CLSTN2: variants seen among roughly 807,000 people sequenced by gnomAD.
The protein encoded by CLSTN2 is calsyntenin-2.
A neutral mutation model predicts 101.2 loss-of-function variants in CLSTN2; 48 were observed. The ratio of observed to expected loss-of-function variants is 0.47; its 90% CI spans 0.38 to 0.60. The LOEUF (loss-of-function observed/expected upper bound fraction) is 0.60. Among genes scored for constraint, CLSTN2 ranks in the 20% least tolerant of loss-of-function variants. The pLI is 0.00. For synonymous variants in CLSTN2, 481 were observed against 463.6 expected, an observed-to-expected ratio of 1.04 and a Z score of -0.48; for missense variants, 1,160 against 1,238.2, an observed-to-expected ratio of 0.94 and a Z score of 0.95.
chr3:140,384,727 A>T lies in CLSTN2; in HGVS notation c.233-18902A>T, dbSNP rs1173586603. On this transcript the variant is annotated intron_variant, in intron 2 of 16. Coordinates refer to ENST00000458420, the MANE Select transcript of CLSTN2 (RefSeq NM_022131.3). ...CCAAGAATTGACAGAACAGTAAAAGAGTCCATATACTCCTGTAGTATTGAT... is the reference window on the plus strand; with the variant it reads ...CCAAGAATTGACAGAACAGTAAAAGTGTCCATATACTCCTGTAGTATTGAT... Among the ~76,000 whole-genome samples, 5 of 152,350 alleles carry T rather than the reference A, an allele frequency of 3.3e-5. No individual in the cohort carries two copies. In the East Asian group the frequency reaches 9.6e-4, roughly 29 times the overall value.
rs115353639 is a variant in CLSTN2, at chr3:140,434,351, T to G, written c.787+13077T>G. On this transcript the variant is annotated intron_variant, in intron 5 of 16. Coordinates refer to ENST00000458420, the MANE Select transcript of CLSTN2 (RefSeq NM_022131.3). ...CCACCCTAACCATGCAGAGGGACAG[T>G]GTAGTCCTGGCCTAACTGAGCTTCC... 1.3e-3 allele frequency among the ~76,000 whole-genome samples: 196 copies of G among 152,242 alleles called. 1 individual carries two copies. Among genetic ancestry groups the G allele is most frequent in the African/African-American group, 4.6e-3 (192 of 41,552 alleles).
In CLSTN2 at chr3:140,421,113, T is replaced by A. The variant is rs1434893599; in HGVS notation, c.638-12T>A. On this transcript the variant is annotated splice_polypyrimidine_tract_variant and intron_variant, in intron 4 of 16. Transcript: ENST00000458420. ...TTGACCTGAAATGCTTTTGAACATC[T>A]CTGTTCCTCAGGCAACATCAGGAAC... 1 of 1,612,904 alleles carries A rather than the reference T, an allele frequency of 6.2e-7. No homozygotes were observed. Among genetic ancestry groups the A allele is most frequent in the East Asian group, 2.2e-5 (1 of 44,866 alleles).
intron 1 of CLSTN2, among the ~76,000 whole-genome samples, chr3:140,122,435 C>A (rs2009358123): frequency 6.6e-6 from 1 of 152,182 alleles, no homozygotes; most frequent in Non-Finnish European, 1.5e-5. Flanking sequence ...CTAATGGAAT[C>A]ACGTTAGCTA....
intron 2 of CLSTN2, among the ~76,000 whole-genome samples, chr3:140,232,800 A>T (rs1257739403): frequency 6.6e-6 from 1 of 152,112 alleles, no homozygotes; most frequent in East Asian, 1.9e-4. Context: ...CACCATTGAC[A>T]TCTCAATATT....
intron 2 of CLSTN2, among the ~76,000 whole-genome samples, chr3:140,343,431 A>C (rs984275382): frequency 6.6e-6 from 1 of 152,362 alleles, no homozygotes; most frequent in Admixed American, 6.5e-5. Flanking sequence ...AGGTTAGCTC[A>C]ACAAAAAATT....
chr3:140,344,503 C>G (rs978361745), intron 2 of CLSTN2, among the ~76,000 whole-genome samples: 1 of 152,186 alleles, frequency 6.6e-6, no homozygotes. Flanking sequence ...ACACCCAGTC[C>G]CTTTTCTATA....
intron 1 of CLSTN2, among the ~76,000 whole-genome samples, chr3:140,137,753 A>T (rs1413264863): frequency 9.9e-5 from 15 of 152,220 alleles, no homozygotes; most frequent in Admixed American, 9.8e-4. Context: ...ATTCTCGCCC[A>T]GCCCCATGAG....
At chr3:140,003,993 C>T (rs940834479) in intron 1 of CLSTN2, among the ~76,000 whole-genome samples, 7 of 151,924 alleles carry the variant, frequency 4.6e-5, no homozygotes, top group South Asian at 2.1e-4. Context: ...TTTGTATGCT[C>T]GTCATTGCAT....
At chr3:140,135,312 C>T (rs2009598744) in intron 1 of CLSTN2, among the ~76,000 whole-genome samples, 2 of 151,656 alleles carry the variant, frequency 1.3e-5, no homozygotes, top group Admixed American at 6.6e-5. Flanking sequence ...TTTGATGTCC[C>T]AAATAACACC....
rs549886465 is a variant in CLSTN2 at position 140,546,756 on chromosome 3, C to T, written c.1674+75C>T. 1,151 of 1,343,802 alleles carry T rather than the reference C, an allele frequency of 8.6e-4. 1 individual carries two copies. The highest frequency in any genetic ancestry group is 1.0e-3 in the Non-Finnish European group (1,011 of 1,000,752). 83.2% of individuals were successfully genotyped at this position (1,343,802 alleles called of 1,614,324 possible). Reference sequence around the variant, plus strand: ...CCAGCCTGCACAGCGCCAGCACACGCCAGGAAATGGAGCTTCCTGGAACGT... The same window carrying T: ...CCAGCCTGCACAGCGCCAGCACACGTCAGGAAATGGAGCTTCCTGGAACGT... On this transcript the variant is annotated intron_variant, in intron 10 of 16. Transcript: ENST00000458420.
intron 1 of CLSTN2, among the ~76,000 whole-genome samples, chr3:140,111,199 G>C (rs1405723880): frequency 1.3e-5 from 2 of 152,014 alleles, no homozygotes; most frequent in East Asian, 3.9e-4. Context: ...TTTATGCTTT[G>C]TATTTGCCCC....
chr3:140,211,125 TC>T lies in CLSTN2; in HGVS notation c.232+35053del, dbSNP rs200468401. On this transcript the variant is annotated intron_variant, in intron 2 of 16. Coordinates refer to ENST00000458420, the MANE Select transcript of CLSTN2 (RefSeq NM_022131.3). ...AGGGTCAATATGGTGAAATGGAAGC[TC>T]TGGACTGGCTGTCAGGAGAGTGGAG... Among the ~76,000 whole-genome samples, 1,246 of 152,112 alleles carry T rather than the reference TC, an allele frequency of 8.2e-3. 13 individuals are homozygous for T. Among genetic ancestry groups the T allele is most frequent in the Middle Eastern group, 0.054 (16 of 294 alleles).
chr3:140,318,010 G>A (rs578117255), intron 2 of CLSTN2, among the ~76,000 whole-genome samples: 8 of 152,286 alleles, frequency 5.3e-5, no homozygotes, highest in Non-Finnish European at 1.0e-4. Flanking sequence ...GCACATTACC[G>A]CTGTATGGGG....
rs1333449971 is a variant in CLSTN2, at chr3:140,569,173, C to G, written c.*2920C>G. ...CAGGGTAATGTGGCTTGCCCTCCCC[C>G]AGATATTCTGATCCCAAGAAAAAGG... On this transcript the variant is annotated 3_prime_UTR_variant, in exon 17 of 17. Coordinates refer to ENST00000458420, the MANE Select transcript of CLSTN2 (RefSeq NM_022131.3). The G allele has an allele frequency of 6.6e-6, 1 of 152,202 alleles. No individual in the cohort carries two copies. The highest frequency in any genetic ancestry group is 1.5e-5 in the Non-Finnish European group (1 of 68,084). 9.4% of individuals were successfully genotyped at this position (152,202 alleles called of 1,614,324 possible). A position where few individuals can be genotyped will look rare whatever the true frequency, so the allele number is the denominator to read the frequency against.
At chr3:140,371,321 A>G (rs1022102242) in intron 2 of CLSTN2, among the ~76,000 whole-genome samples, 1 of 152,070 alleles carries the variant, frequency 6.6e-6, no homozygotes, top group African/African-American at 2.4e-5. Context: ...AGTTCATTGG[A>G]AAAAAATCTG....
At chr3:140,180,391 A>T (rs1040811329) in intron 2 of CLSTN2, among the ~76,000 whole-genome samples, 1 of 152,186 alleles carries the variant, frequency 6.6e-6, no homozygotes, top group African/African-American at 2.4e-5. Flanking sequence ...CCTCCCTCAG[A>T]CTTCAGTCAA....
chr3:140,518,731 T>C (rs923695321), intron 8 of CLSTN2, among the ~76,000 whole-genome samples: 1 of 152,228 alleles, frequency 6.6e-6, no homozygotes, highest in Non-Finnish European at 1.5e-5. Context: ...TTTCCTGGTA[T>C]GTTCCTGTGG....
intron 2 of CLSTN2, among the ~76,000 whole-genome samples, chr3:140,343,497 C>T (rs1559844166): frequency 6.6e-6 from 1 of 152,102 alleles, no homozygotes; most frequent in African/African-American, 2.4e-5. Flanking sequence ...TTTAAAAGAC[C>T]ATCTTAAAGA....
chr3:140,456,667 A>G (rs1006148244), intron 6 of CLSTN2, among the ~76,000 whole-genome samples: 4 of 152,102 alleles, frequency 2.6e-5, no homozygotes, highest in African/African-American at 7.2e-5. Flanking sequence ...CATGCCTGTA[A>G]TCCCAGCTAC....
Sources: gnomAD v4.1 joint callset for allele counts (sites outside exome capture counted in the v4.1 genomes callset) on GRCh38, gnomAD v4.1.1 for gene constraint, MANE v1.5 for transcripts, NCBI Gene and HGNC (gene_info 2026-07-23, HGNC 2026-07-21) for gene names.